CLCF1: variants seen among roughly 807,000 people sequenced by gnomAD.
CLCF1 encodes the protein cardiotrophin-like cytokine factor 1.
CLCF1 carries 10 observed loss-of-function variants against 21.2 expected under a neutral mutation model. That is an observed-to-expected ratio of 0.47 (90% CI 0.29 to 0.80). CLCF1 has a LOEUF of 0.80. Ranked by LOEUF, CLCF1 falls within the 30% of genes least tolerant of loss-of-function variation. The pLI is 0.09. For synonymous variants in CLCF1, 115 were observed against 120.5 expected, an observed-to-expected ratio of 0.95 and a Z score of 0.30; for missense variants, 240 against 293.4, an observed-to-expected ratio of 0.82 and a Z score of 1.33.
chr11:67,365,575 C>G lies in CLCF1; in HGVS notation c.239G>C (p.Gly80Ala). The change falls in exon 3 of 3, where the codon GGG becomes GCG. Residue 80 changes from glycine to alanine, a missense_variant. Gly to Ala is a moderately conservative substitution (Grantham distance 60). Coordinates refer to ENST00000312438, the MANE Select transcript of CLCF1 (RefSeq NM_013246.3). The surrounding 1 kb of genome is among the most constrained non-coding windows in gnomAD (Gnocchi z 5.0). ...NEPDFNPPRL[G>A]AETLPRATVD... ...AGTGGCCCTGGGCAGAGTCTCTGCC[C>G]CCAGGCGGGGAGGGTTGAAGTCTGG... 3 of 1,613,848 alleles carry G rather than the reference C, an allele frequency of 1.9e-6. No individual in the cohort carries two copies. The highest frequency in any genetic ancestry group is 2.5e-6 in the Non-Finnish European group (3 of 1,179,770).
chr11:67,371,110 G>T lies in CLCF1; in HGVS notation c.16+2414C>A, dbSNP rs530783855. 3 of 984,182 alleles carry T rather than the reference G, an allele frequency of 3.0e-6. No individual in the cohort carries two copies. The African/African-American group carries it at 5.2e-5, about 17-fold the overall frequency. The allele number at this position is 984,182 out of a possible 1,614,324, so 61.0% of individuals were successfully genotyped here. A position where few individuals can be genotyped will look rare whatever the true frequency, so the allele number is the denominator to read the frequency against. On this transcript the variant is annotated intron_variant, in intron 1 of 2. Coordinates refer to ENST00000312438, the MANE Select transcript of CLCF1 (RefSeq NM_013246.3). ...GTGGGTGAGGTCCAGGCATTGTGAC[G>T]GTAGGAAACTGCCCCAGGGGCGTGT... is the stretch of plus-strand genomic sequence containing the variant.
At chr11:67,370,372 GTCCCCCTC>G in intron 1 of CLCF1, 1 of 984,906 alleles carries the variant, frequency 1.0e-6, no homozygotes, top group Non-Finnish European at 1.2e-6. Flanking sequence ...TGTGTCCTAG[GTCCCCCTC>G]TCCCCCTCCC....
rs969651416 is a variant in CLCF1, at chr11:67,369,500, C to A, written c.17-1874G>T. 3 of 985,312 alleles carry A rather than the reference C, an allele frequency of 3.0e-6. No homozygotes were observed. In the African/African-American group the frequency reaches 5.2e-5, roughly 17 times the overall value. The allele number at this position is 985,312 out of a possible 1,614,324, so 61.0% of individuals were successfully genotyped here. ...AGCTCTTGCCTGACTCAGTTCCTTTCTCCTCCCTGCTCCTCACATCTCAAC... is the reference window on the plus strand; with the variant it reads ...AGCTCTTGCCTGACTCAGTTCCTTTATCCTCCCTGCTCCTCACATCTCAAC... On this transcript the variant is annotated intron_variant, in intron 1 of 2. Coordinates refer to ENST00000312438, the MANE Select transcript of CLCF1 (RefSeq NM_013246.3).
rs1862080927 is a variant in CLCF1, at chr11:67,365,712, T to C, written c.184-82A>G. On this transcript the variant is annotated intron_variant, in intron 2 of 2. Transcript: ENST00000312438. The surrounding 1 kb of genome is among the most constrained non-coding windows in gnomAD (Gnocchi z 5.0). Reference sequence around the variant, plus strand: ...CAAGGAGATACCTGCTCCCAAAGTTTCTATTTTTTGTGTCCCCTGACACTG... The same window carrying C: ...CAAGGAGATACCTGCTCCCAAAGTTCCTATTTTTTGTGTCCCCTGACACTG... 1 of 1,513,262 alleles carries C rather than the reference T, an allele frequency of 6.6e-7. No homozygotes were observed. Among genetic ancestry groups the C allele is most frequent in the African/African-American group, 1.4e-5 (1 of 71,658 alleles). The allele number at this position is 1,513,262 out of a possible 1,614,324, so 93.7% of individuals were successfully genotyped here. A position where few individuals can be genotyped will look rare whatever the true frequency, so the allele number is the denominator to read the frequency against.
chr11:67,370,441 G>A, intron 1 of CLCF1: 16 of 979,880 alleles, frequency 1.6e-5, no homozygotes, highest in Non-Finnish European at 1.9e-5. Context: ...GCCTCTGGCT[G>A]CTGCCCACTG....
intron 1 of CLCF1, chr11:67,371,027 A>T: frequency 1.0e-6 from 1 of 985,224 alleles, no homozygotes; most frequent in Non-Finnish European, 1.2e-6. Flanking sequence ...GTTGAGGGGA[A>T]TTGAGGGATG....
chr11:67,373,476 G>A, intron 1 of CLCF1, 48 bp downstream of exon 1: 1 of 1,046,088 alleles, frequency 9.6e-7, no homozygotes, highest in Non-Finnish European at 1.4e-6. Context: ...CGGATCTCGT[G>A]GCTGCTTGGC....
chr11:67,368,877 A>G, intron 1 of CLCF1: 1 of 964,970 alleles, frequency 1.0e-6, no homozygotes, highest in Non-Finnish European at 1.2e-6. Context: ...GTGTGAGGTC[A>G]TGAGTGGTTT....
rs996046672 is a variant in CLCF1 at position 67,370,008 on chromosome 11, G to T, written c.17-2382C>A. 4 of 985,274 alleles carry T rather than the reference G, an allele frequency of 4.1e-6. No homozygotes were observed. The African/African-American group carries it at 7.0e-5, about 17-fold the overall frequency. The allele number at this position is 985,274 out of a possible 1,614,324, so 61.0% of individuals were successfully genotyped here. A position where few individuals can be genotyped will look rare whatever the true frequency, so the allele number is the denominator to read the frequency against. On this transcript the variant is annotated intron_variant, in intron 1 of 2. Transcript: ENST00000312438. The stretch of plus-strand genomic sequence containing the variant: ...GTTCTGAGGTAACTGTGTCGTTGCA[G>T]GCTGCGGGTGGGGGGCAGGGGAGAA...
intron 2 of CLCF1, 29 bp downstream of exon 2, chr11:67,367,431 A>G: frequency 6.2e-7 from 1 of 1,613,906 alleles, no homozygotes; most frequent in South Asian, 1.1e-5. Flanking sequence ...CTCCTCCCCA[A>G]CTCCCAGATT....
intron 1 of CLCF1, among the ~76,000 whole-genome samples, chr11:67,371,865 A>G (rs1862243180): frequency 6.6e-6 from 1 of 152,094 alleles, no homozygotes; most frequent in East Asian, 1.9e-4. Context: ...GGTGGTGTGC[A>G]GAAGTGTGAC....
At chr11:67,370,740 C>T (rs1862214475) in intron 1 of CLCF1, 2 of 985,328 alleles carry the variant, frequency 2.0e-6, no homozygotes, top group Admixed American at 6.1e-5. Context: ...CCCTCAGTCC[C>T]TGGCCTGGAC....
Position 67,373,592 on chromosome 11 carries a change from G to A in CLCF1, c.-53C>T. On this transcript the variant is annotated 5_prime_UTR_variant, in exon 1 of 3. Coordinates refer to ENST00000312438, the MANE Select transcript of CLCF1 (RefSeq NM_013246.3). ...GGCTCCTCTCCCGGAGGCTGGCGGA[G>A]TGGGAGGGCGAGCCGCGGCTCCGGC... 3.1e-6 allele frequency: 4 copies of A among 1,306,482 alleles called. No homozygotes were observed. The highest frequency in any genetic ancestry group is 3.9e-6 in the Non-Finnish European group (4 of 1,026,278). The allele number at this position is 1,306,482 out of a possible 1,614,324, so 80.9% of individuals were successfully genotyped here.
rs1862283400 is a variant in CLCF1 at position 67,373,547 on chromosome 11, G to A, written c.-8C>T. 2 of 1,397,294 alleles carry A rather than the reference G, an allele frequency of 1.4e-6. No individual in the cohort carries two copies. Among genetic ancestry groups the A allele is most frequent in the South Asian group, 3.0e-5 (2 of 66,102 alleles). The allele number at this position is 1,397,294 out of a possible 1,614,324, so 86.6% of individuals were successfully genotyped here. ...ACCTGCTCGGAGGTCCATGGGGCTG[G>A]GGCCGGGCCGGCCGGGTGCGGCTCC... On this transcript the variant is annotated 5_prime_UTR_variant, in exon 1 of 3. Coordinates refer to ENST00000312438, the MANE Select transcript of CLCF1 (RefSeq NM_013246.3).
At chr11:67,366,596 A>G (rs538563340) in intron 2 of CLCF1, among the ~76,000 whole-genome samples, 1 of 152,138 alleles carries the variant, frequency 6.6e-6, no homozygotes, top group Non-Finnish European at 1.5e-5. Flanking sequence ...GCCCAGGGAA[A>G]GGGATGAGGG....
intron 1 of CLCF1, 29 bp from the exon 2 acceptor site, chr11:67,367,655 G>C (rs767583156): frequency 5.0e-6 from 8 of 1,606,326 alleles, no homozygotes; most frequent in Non-Finnish European, 5.1e-6. Context: ...AGAAGCATGA[G>C]CGCGGCCCGG....
At position 67,373,535 on chromosome 11, in the gene CLCF1, TC is replaced by T; in HGVS notation, c.4del (p.Asp2ThrfsTer11). 1 of 1,426,712 alleles carries T rather than the reference TC, an allele frequency of 7.0e-7. No homozygotes were observed. The highest frequency in any genetic ancestry group is 9.2e-7 in the Non-Finnish European group (1 of 1,090,736). 88.4% of individuals were successfully genotyped at this position (1,426,712 alleles called of 1,614,324 possible). ...CGCCTGGCTCCTACCTGCTCGGAGG[TC>T]CATGGGGCTGGGGCCGGGCCGGCCG... M[D>X]LRAGDSWGML... On this transcript the variant is annotated frameshift_variant, in exon 1 of 3. Transcript: ENST00000312438. LOFTEE classifies it high-confidence loss of function.
Position 67,367,576 on chromosome 11 carries a change from G to C in CLCF1, c.67C>G (p.Pro23Ala). The C allele has an allele frequency of 6.2e-7, 1 of 1,613,884 alleles. No homozygotes were observed. Among genetic ancestry groups the C allele is most frequent in the Non-Finnish European group, 8.5e-7 (1 of 1,179,924 alleles). ...GTGCGATTGAGAGCTGGCACTGCAG[G>C]GAGGTGCCAGAGCACCGTGCACAGG... Reference protein sequence around the residue: ...ACLCTVLWHLPAVPALNRTGD... With the variant: ...ACLCTVLWHLAAVPALNRTGD... Residue 23 changes from proline to alanine, a missense_variant, in exon 2 of 3, where the codon CCT (proline) becomes GCT (alanine). Transcript: ENST00000312438.
At chr11:67,370,542 C>G in intron 1 of CLCF1, 1 of 931,068 alleles carries the variant, frequency 1.1e-6, no homozygotes, top group Non-Finnish European at 1.2e-6. Context: ...CTGCAACAGC[C>G]CCCCACCCCC....
Sources: gnomAD v4.1 joint callset for allele counts (sites outside exome capture counted in the v4.1 genomes callset) on GRCh38, gnomAD v4.1.1 for gene constraint, Gnocchi (gnomAD v3.1) non-coding constraint, MANE v1.5 for transcripts, NCBI Gene and HGNC (gene_info 2026-07-23, HGNC 2026-07-21) for gene names.